The following EML4 variants were observed in gnomAD, a reference collection of about 807,000 sequenced individuals.
EML4 encodes echinoderm microtubule-associated protein-like 4.
In EML4, 72 loss-of-function variants were observed where a neutral mutation model predicts 129.0. The observed-to-expected ratio is 0.56, with a 90% CI of 0.46 to 0.68. EML4 has a LOEUF of 0.68. Ranked by LOEUF, EML4 falls within the 30% of genes least tolerant of loss-of-function variation. EML4 has a pLI of 0.00. For missense variants in EML4, 1,363 were observed against 1,190.6 expected (o/e 1.14, Z -2.13); for synonymous variants, 532 against 405.0 (o/e 1.31, Z -3.77).
intron 1 of EML4, among the ~76,000 whole-genome samples, chr2:42,213,772 A>G (rs2104042777): frequency 6.6e-6 from 1 of 152,378 alleles, no homozygotes; most frequent in African/African-American, 2.4e-5. Flanking sequence ...TAGGTCTAGG[A>G]AAGATACAAG....
At chr2:42,326,679 C>T (rs542533282) in intron 21 of EML4, among the ~76,000 whole-genome samples, 4 of 152,230 alleles carry the variant, frequency 2.6e-5, no homozygotes, top group African/African-American at 9.6e-5. Context: ...TTCAGGAGTT[C>T]GAGACCAGCC....
chr2:42,322,046 A>G (rs1669554017), intron 19 of EML4, among the ~76,000 whole-genome samples: 1 of 152,230 alleles, frequency 6.6e-6, no homozygotes, highest in South Asian at 2.1e-4. Context: ...AAATAGTTCT[A>G]GTTCATCTGA....
At chr2:42,252,785 G>A (rs1409495924) in intron 2 of EML4, among the ~76,000 whole-genome samples, 1 of 151,886 alleles carries the variant, frequency 6.6e-6, no homozygotes, top group African/African-American at 2.4e-5. Context: ...ATTCTTTAAG[G>A]CCTTATTCTG....
At chr2:42,292,074 G>C (rs922262088) in intron 11 of EML4, among the ~76,000 whole-genome samples, 1 of 152,224 alleles carries the variant, frequency 6.6e-6, no homozygotes, top group Admixed American at 6.5e-5. Flanking sequence ...TATCTCTTCA[G>C]TTCTTAGGCG....
intron 6 of EML4, among the ~76,000 whole-genome samples, chr2:42,268,161 C>T (rs750695021): frequency 3.3e-5 from 5 of 152,106 alleles, no homozygotes; most frequent in African/African-American, 9.7e-5. Context: ...TGGATTCAAC[C>T]GACCTGCATT....
chr2:42,301,440 G>C, intron 14 of EML4, 48 bp downstream of exon 14: 2 of 1,423,560 alleles, frequency 1.4e-6, no homozygotes, highest in South Asian at 2.8e-5. Context: ...CTAAACTCAG[G>C]TATTTTGTCC....
chr2:42,294,820 T>G (rs1667854642), intron 11 of EML4, among the ~76,000 whole-genome samples: 1 of 152,222 alleles, frequency 6.6e-6, no homozygotes, highest in Non-Finnish European at 1.5e-5. Flanking sequence ...TACATTGCTC[T>G]TAAATTCGAC....
At chr2:42,239,282 T>C (rs1674868572) in intron 1 of EML4, among the ~76,000 whole-genome samples, 1 of 152,198 alleles carries the variant, frequency 6.6e-6, no homozygotes, top group Non-Finnish European at 1.5e-5. Flanking sequence ...GCATGTCTTA[T>C]TCTGATATGA....
chr2:42,178,910 T>C (rs1434517156), intron 1 of EML4, among the ~76,000 whole-genome samples: 1 of 152,230 alleles, frequency 6.6e-6, no homozygotes, highest in African/African-American at 2.4e-5. Flanking sequence ...TTTGCATCCA[T>C]TATAATAAAG....
At chr2:42,318,931 C>G (rs1286160684) in intron 19 of EML4, among the ~76,000 whole-genome samples, 1 of 152,036 alleles carries the variant, frequency 6.6e-6, no homozygotes, top group African/African-American at 2.4e-5. Context: ...GTCTCAAACT[C>G]CTGGCCTCAA....
rs1670015573 is a variant in EML4, at chr2:42,329,990, C to T, written c.2729C>T (p.Ala910Val). The T allele has an allele frequency of 6.2e-7, 1 of 1,613,734 alleles. No individual in the cohort carries two copies. Among genetic ancestry groups the T allele is most frequent in the Non-Finnish European group, 8.5e-7 (1 of 1,179,988 alleles). ...PPPSQPLNET[A>V]EEESRISSSP... Reference sequence around the variant, plus strand: ...CCTTCTCAGCCCTTAAATGAGACAGCTGAAGAGGAAAGTAGAATAAGCAGT... The same window carrying T: ...CCTTCTCAGCCCTTAAATGAGACAGTTGAAGAGGAAAGTAGAATAAGCAGT... Residue 910 changes from alanine (A) to valine (V), a missense_variant, in exon 23 of 23, where the codon GCT (alanine) becomes GTT (valine). Coordinates refer to ENST00000318522, the MANE Select transcript of EML4 (RefSeq NM_019063.5).
chr2:42,239,861 C>G (rs1289646658), intron 1 of EML4, among the ~76,000 whole-genome samples: 1 of 151,828 alleles, frequency 6.6e-6, no homozygotes, highest in East Asian at 1.9e-4. Flanking sequence ...ATTTACTGAA[C>G]AGTTATATCC....
chr2:42,170,400 C>T (rs1010610633), intron 1 of EML4: 1 of 152,088 alleles, frequency 6.6e-6, no homozygotes, highest in African/African-American at 2.4e-5. Flanking sequence ...CCCAATGAAT[C>T]AATAGGAAAG....
chr2:42,274,433 G>T (rs1056795023), intron 6 of EML4, among the ~76,000 whole-genome samples: 3 of 152,006 alleles, frequency 2.0e-5, no homozygotes, highest in Non-Finnish European at 4.4e-5. Context: ...CCTTTGAAAG[G>T]CTTTTTTTTT....
At chr2:42,183,019 G>C (rs1343626516) in intron 1 of EML4, among the ~76,000 whole-genome samples, 1 of 152,122 alleles carries the variant, frequency 6.6e-6, no homozygotes, top group Non-Finnish European at 1.5e-5. Flanking sequence ...AGCCAGGCAT[G>C]GTGGTGCACT....
chr2:42,193,915 G>A (rs1458681267), intron 1 of EML4, among the ~76,000 whole-genome samples: 1 of 152,110 alleles, frequency 6.6e-6, no homozygotes, highest in African/African-American at 2.4e-5. Flanking sequence ...GAACTCCTGG[G>A]CTCAAGTGAT....
rs1347121154 is a variant in EML4, at chr2:42,329,961, G to A, written c.2700G>A (p.Pro900=). 5 of 1,613,736 alleles carry A rather than the reference G, an allele frequency of 3.1e-6. No homozygotes were observed. The highest frequency in any genetic ancestry group is 2.2e-5 in the East Asian group (1 of 44,888). ...ESVIQSNTPT[P]PPSQPLNETA... is the part of the protein sequence containing the mutation. Reference sequence around the variant, plus strand: ...TCATCCAATCTAATACTCCCACACCGCCTCCTTCTCAGCCCTTAAATGAGA... The same window carrying A: ...TCATCCAATCTAATACTCCCACACCACCTCCTTCTCAGCCCTTAAATGAGA... The change falls in exon 23 of 23, where the codon CCG becomes CCA. Residue 900 remains proline (P), a synonymous_variant. Transcript: ENST00000318522.
At chr2:42,223,497 T>G (rs1439230) in intron 1 of EML4, among the ~76,000 whole-genome samples, 97,820 of 151,980 alleles carry the variant, frequency 0.64, 32,001 homozygotes, top group East Asian at 0.75. Context: ...GTTTTGTTTG[T>G]TTTCTGTTTT....
At chr2:42,299,338 A>C (rs987887843) in intron 13 of EML4, among the ~76,000 whole-genome samples, 4 of 152,230 alleles carry the variant, frequency 2.6e-5, no homozygotes, top group Non-Finnish European at 5.9e-5. Flanking sequence ...TAGCAGCTCA[A>C]ATAGATGAGT....
Sources: allele counts gnomAD v4.1 joint callset (sites outside exome capture counted in the v4.1 genomes callset), GRCh38; gene constraint gnomAD v4.1.1; transcripts MANE v1.5; gene names NCBI Gene and HGNC (gene_info 2026-07-23, HGNC 2026-07-21).